Variants in ZNFX1 observed in about 807,000 individuals in gnomAD.
ZNFX1 encodes the protein NFX1-type zinc finger-containing protein 1.
A neutral mutation model predicts 179.8 loss-of-function variants in ZNFX1; 78 were observed. The ratio of observed to expected loss-of-function variants is 0.43; its 90% CI spans 0.36 to 0.52. The LOEUF (loss-of-function observed/expected upper bound fraction) is 0.52. Ranked by LOEUF, ZNFX1 falls within the 20% of genes least tolerant of loss-of-function variation. The probability of loss-of-function intolerance (pLI) is 0.00; values close to 1 mark genes in which losing one functional copy is unlikely to be tolerated. For synonymous variants in ZNFX1, 848 were observed against 868.5 expected (o/e 0.98, Z 0.42); for missense variants, 1,927 against 2,386.6 (o/e 0.81, Z 4.01).
At chr20:49,273,561 C>G (rs1202380058) in intron 2 of ZNFX1, among the ~76,000 whole-genome samples, 1 of 152,180 alleles carries the variant, frequency 6.6e-6, no homozygotes, top group East Asian at 1.9e-4. Flanking sequence ...GAAGAAAGTA[C>G]TACTTTTAAT....
rs1420714686 is a variant in ZNFX1, at chr20:49,253,802, T to C, written c.2969A>G (p.Lys990Arg). ...VVGMTTTGAA[K>R]YRQILQKVEP... ...CACCTTCTGTAGGATCTGGCGGTAT[T>C]TGGCAGCACCTCAAGTGAGGAAAGA... Residue 990 changes from lysine to arginine, a missense_variant, in exon 11 of 14, where the codon AAA becomes AGA. Physicochemically the swap from Lys to Arg is conservative, Grantham distance 26 (BLOSUM62 2). Coordinates refer to ENST00000396105, the MANE Select transcript of ZNFX1 (RefSeq NM_021035.3). 3 of 1,614,072 alleles carry C rather than the reference T, an allele frequency of 1.9e-6. No homozygotes were observed. The highest frequency in any genetic ancestry group is 1.7e-5 in the Admixed American group (1 of 60,014).
Position 49,264,837 on chromosome 20 carries a change from A to G in ZNFX1, c.2030T>C (p.Ile677Thr). 2 of 1,614,168 alleles carry G rather than the reference A, an allele frequency of 1.2e-6. No individual in the cohort carries two copies. The highest frequency in any genetic ancestry group is 1.7e-6 in the Non-Finnish European group (2 of 1,180,030). ...GTTGCTCCTTCCACCCACCCGCACA[A>G]TGCTGGTCTTCTGACAATTGTAGAT... ...EGIYNCQKTS[I>T]VRVGGRSNSE... The change falls in exon 5 of 14, where the codon ATT becomes ACT. Residue 677 changes from isoleucine (I) to threonine (T), a missense_variant. Coordinates refer to ENST00000396105, the MANE Select transcript of ZNFX1 (RefSeq NM_021035.3).
chr20:49,247,416 G>T lies in ZNFX1; in HGVS notation c.5608C>A (p.Pro1870Thr). The change falls in exon 14 of 14, where the codon CCT becomes ACT. Residue 1870 changes from proline (P) to threonine (T), a missense_variant. Physicochemically the swap from Pro to Thr is conservative, Grantham distance 38. Coordinates refer to ENST00000396105, the MANE Select transcript of ZNFX1 (RefSeq NM_021035.3). ...CCACCAATCACTTCCTTACAGTCAGGACACGTGCCCCTCTCCATGGCTCCC... is the reference window on the plus strand; with the variant it reads ...CCACCAATCACTTCCTTACAGTCAGTACACGTGCCCCTCTCCATGGCTCCC... ...CGGAMERGTC[P>T]DCKEVIGGTN... 5.0e-6 allele frequency: 8 copies of T among 1,614,158 alleles called. No individual in the cohort carries two copies. The highest frequency in any genetic ancestry group is 6.8e-6 in the Non-Finnish European group (8 of 1,180,038).
chr20:49,269,444 G>T (rs1196976788), intron 3 of ZNFX1, among the ~76,000 whole-genome samples: 1 of 152,180 alleles, frequency 6.6e-6, no homozygotes, highest in Non-Finnish European at 1.5e-5. Flanking sequence ...CACTTTGGGA[G>T]GCCAAGGCAG....
In ZNFX1 at chr20:49,263,329, C is replaced by A; in HGVS notation, c.2301+5G>T. ...CATATTTGTGTCCCCCAGGATGACCCCTACCTGCACTGGTCCATTCATGAG... is the reference window on the plus strand; with the variant it reads ...CATATTTGTGTCCCCCAGGATGACCACTACCTGCACTGGTCCATTCATGAG... On this transcript the variant is annotated splice_donor_5th_base_variant and intron_variant, in intron 6 of 13. Transcript: ENST00000396105. 6.2e-7 allele frequency: 1 copy of A among 1,612,782 alleles called. No individual in the cohort carries two copies. The highest frequency in any genetic ancestry group is 1.1e-5 in the South Asian group (1 of 91,022).
Position 49,263,465 on chromosome 20 carries a change from C to T in ZNFX1, c.2170G>A (p.Glu724Lys), listed in dbSNP as rs1177247192. The T allele has an allele frequency of 1.9e-6, 3 of 1,590,264 alleles. No homozygotes were observed. Among genetic ancestry groups the T allele is most frequent in the Non-Finnish European group, 2.6e-6 (3 of 1,167,200 alleles). ...AYMSIMTQMK[E>K]SEQELHEGAK... ...CCTTCATGAAGCTCTTGCTCTGACT[C>T]CTTCATCTGTGTCATGATCTTCCAA... The change falls in exon 6 of 14, where the codon GAG becomes AAG. Residue 724 changes from glutamate (E) to lysine (K), a missense_variant. Glu to Lys is a moderately conservative substitution (Grantham distance 56). Coordinates refer to ENST00000396105, the MANE Select transcript of ZNFX1 (RefSeq NM_021035.3).
At chr20:49,277,113 AATC>A (rs1285429428) in intron 1 of ZNFX1, among the ~76,000 whole-genome samples, 1 of 151,672 alleles carries the variant, frequency 6.6e-6, no homozygotes, top group Non-Finnish European at 1.5e-5. Context: ...TGGTGGGGGG[AATC>A]AAGGCCTAAA....
Position 49,270,992 on chromosome 20 carries a change from G to C in ZNFX1, c.820C>G (p.Pro274Ala). Residue 274 changes from proline to alanine, a missense_variant, in exon 3 of 14, where the codon CCA (proline) becomes GCA (alanine). Physicochemically the swap from Pro to Ala is conservative, Grantham distance 27. Coordinates refer to ENST00000396105, the MANE Select transcript of ZNFX1 (RefSeq NM_021035.3). The surrounding 1 kb of genome is among the most constrained non-coding windows in gnomAD (Gnocchi z 4.6). ...GCTCTCAGAGCATTAAGAGAGGTTG[G>C]CAGGAGGGAAACCAGCATGGAAGTT... ...QETSMLVSLL[P>A]TSLNALRASG... 2 of 1,614,130 alleles carry C rather than the reference G, an allele frequency of 1.2e-6. No homozygotes were observed. The highest frequency in any genetic ancestry group is 1.3e-5 in the African/African-American group (1 of 75,024).
Position 49,247,303 on chromosome 20 carries a change from G to A in ZNFX1, c.5721C>T (p.Asn1907=), listed in dbSNP as rs199976903. The A allele has an allele frequency of 3.9e-4, 625 of 1,613,084 alleles. No individual in the cohort carries two copies. The highest frequency in any genetic ancestry group is 5.0e-4 in the Non-Finnish European group (588 of 1,179,424). ...QHAAWSDTAN[N]LMNFEEIQGM... Reference sequence around the variant, plus strand: ...CCTGGATCTCCTCAAAGTTCATCAGGTTGTTGGCCGTGTCAGACCAGGCAG... The same window carrying A: ...CCTGGATCTCCTCAAAGTTCATCAGATTGTTGGCCGTGTCAGACCAGGCAG... The change falls in exon 14 of 14, where the codon AAC becomes AAT. Residue 1907 remains asparagine, a synonymous_variant. Coordinates refer to ENST00000396105, the MANE Select transcript of ZNFX1 (RefSeq NM_021035.3).
At position 49,270,161 on chromosome 20, in the gene ZNFX1, T is replaced by G; in HGVS notation, c.1651A>C (p.Met551Leu). Residue 551 changes from methionine to leucine, a missense_variant, in exon 3 of 14, where the codon ATG (methionine) becomes CTG (leucine). Met to Leu is a conservative substitution (Grantham distance 15). Transcript: ENST00000396105. The surrounding 1 kb of genome is among the most constrained non-coding windows in gnomAD (Gnocchi z 4.6). ...GGGGTAAAGTCGTATCTGCCCCCCA[T>G]TAGCAAGTACCTTGGCTCCTTCACA... ...SHVKEPRYLLMGGRYDFTPLI... is the reference protein window; with the variant it reads ...SHVKEPRYLLLGGRYDFTPLI... The G allele has an allele frequency of 2.5e-6, 4 of 1,614,104 alleles. No homozygotes were observed. The highest frequency in any genetic ancestry group is 3.4e-6 in the Non-Finnish European group (4 of 1,180,004).
chr20:49,266,085 G>T (rs758674095), intron 4 of ZNFX1, 50 bp downstream of exon 4: 2 of 1,587,150 alleles, frequency 1.3e-6, no homozygotes, highest in Non-Finnish European at 1.7e-6. Flanking sequence ...GTTGCTGATG[G>T]TTCAATCATC....
chr20:49,268,405 G>A (rs547128767), intron 3 of ZNFX1, among the ~76,000 whole-genome samples: 1 of 152,010 alleles, frequency 6.6e-6, no homozygotes, highest in Non-Finnish European at 1.5e-5. Flanking sequence ...CATGACAATG[G>A]GTTCCTATTG....
At chr20:49,250,654 C>A (rs756064119) in intron 13 of ZNFX1, among the ~76,000 whole-genome samples, 3 of 152,084 alleles carry the variant, frequency 2.0e-5, no homozygotes, top group African/African-American at 7.2e-5. Context: ...CAGGTTCAAG[C>A]GATCCTCTCG....
chr20:49,250,703 C>A (rs1408096015), intron 13 of ZNFX1, among the ~76,000 whole-genome samples: 1 of 152,166 alleles, frequency 6.6e-6, no homozygotes, highest in South Asian at 2.1e-4. Flanking sequence ...AGGCGCCCAC[C>A]ACCATGCCCA....
At chr20:49,256,978 C>G (rs1980985390) in intron 8 of ZNFX1, among the ~76,000 whole-genome samples, 1 of 152,222 alleles carries the variant, frequency 6.6e-6, no homozygotes, top group African/African-American at 2.4e-5. Flanking sequence ...AGAGAAGTGT[C>G]AAATTCCAGG....
intron 2 of ZNFX1, among the ~76,000 whole-genome samples, chr20:49,273,178 G>C (rs1157507661): frequency 1.3e-5 from 2 of 152,160 alleles, no homozygotes; most frequent in East Asian, 3.9e-4. Flanking sequence ...TGTCGCCCAG[G>C]CTGGAGTCCA....
At chr20:49,262,309 G>A (rs1407121537) in intron 6 of ZNFX1, among the ~76,000 whole-genome samples, 1 of 151,132 alleles carries the variant, frequency 6.6e-6, no homozygotes, top group Non-Finnish European at 1.5e-5. Context: ...AAGAGGCCAA[G>A]GTAAGAGAAT....
Position 49,246,593 on chromosome 20 carries a change from C to T in ZNFX1, c.*674G>A. 3.8e-6 allele frequency: 1 copy of T among 265,338 alleles called. No individual in the cohort carries two copies. The highest frequency in any genetic ancestry group is 7.5e-6 in the Non-Finnish European group (1 of 133,004). 16.4% of individuals were successfully genotyped at this position (265,338 alleles called of 1,614,324 possible). A position where few individuals can be genotyped will look rare whatever the true frequency, so the allele number is the denominator to read the frequency against. On this transcript the variant is annotated 3_prime_UTR_variant, in exon 14 of 14. Coordinates refer to ENST00000396105, the MANE Select transcript of ZNFX1 (RefSeq NM_021035.3). ...GGGCCTGGCAATTAGAATCGGTCTG[C>T]ATCAATGAGCTCATACTCTGTTCCT...
At chr20:49,268,787 C>T (rs1423534763) in intron 3 of ZNFX1, among the ~76,000 whole-genome samples, 1 of 152,158 alleles carries the variant, frequency 6.6e-6, no homozygotes, top group African/African-American at 2.4e-5. Flanking sequence ...ATCAAAACCA[C>T]AATGAGATTC....
Sources: gnomAD v4.1 joint callset for allele counts (sites outside exome capture counted in the v4.1 genomes callset) on GRCh38, gnomAD v4.1.1 for gene constraint, Gnocchi (gnomAD v3.1) non-coding constraint, MANE v1.5 for transcripts, NCBI Gene and HGNC (gene_info 2026-07-23, HGNC 2026-07-21) for gene names.